The following TACO1 variants were observed in gnomAD, a reference collection of about 807,000 sequenced individuals.
TACO1 encodes translational activator of cytochrome c oxidase 1.
A neutral mutation model predicts 24.0 loss-of-function variants in TACO1; 13 were observed. The observed-to-expected ratio is 0.54, with a 90% CI of 0.35 to 0.86. The LOEUF is 0.86. Among genes scored for constraint, TACO1 ranks in the 40% least tolerant of loss-of-function variants. The pLI, the probability that TACO1 is intolerant of heterozygous loss-of-function variation, is 0.01. For synonymous variants in TACO1, 149 were observed against 153.5 expected, an observed-to-expected ratio of 0.97 and a Z score of 0.22; for missense variants, 352 against 380.1, an observed-to-expected ratio of 0.93 and a Z score of 0.61.
At position 63,600,946 on chromosome 17, in the gene TACO1, C is replaced by T. The variant is rs2033814865; in HGVS notation, c.-138C>T. 2.0e-6 allele frequency: 2 copies of T among 1,021,782 alleles called. No individual in the cohort carries two copies. Among genetic ancestry groups the T allele is most frequent in the Non-Finnish European group, 2.9e-6 (2 of 700,060 alleles). The allele number at this position is 1,021,782 out of a possible 1,614,324, so 63.3% of individuals were successfully genotyped here. On this transcript the variant is annotated 5_prime_UTR_variant, in exon 1 of 5. Coordinates refer to ENST00000258975, the MANE Select transcript of TACO1 (RefSeq NM_016360.4). The stretch of plus-strand genomic sequence containing the variant: ...AGGGTCATTAGCTGTTGAGCCGCCC[C>T]GGGCGGGCCCAAGCCTTTGGATCTC...
At chr17:63,605,189 T>C (rs1171327776) in intron 2 of TACO1, among the ~76,000 whole-genome samples, 4 of 151,760 alleles carry the variant, frequency 2.6e-5, no homozygotes. Flanking sequence ...CTCAGCCAAG[T>C]TGTAGGGAGA....
At chr17:63,601,576 C>T (rs1431309483) in intron 1 of TACO1, among the ~76,000 whole-genome samples, 1 of 152,158 alleles carries the variant, frequency 6.6e-6, no homozygotes, top group African/African-American at 2.4e-5. Flanking sequence ...AGCATCTGGC[C>T]AGTTTGTCAG....
intron 1 of TACO1, among the ~76,000 whole-genome samples, chr17:63,602,009 A>G (rs1255431324): frequency 6.6e-6 from 1 of 150,906 alleles, no homozygotes; most frequent in Non-Finnish European, 1.5e-5. Context: ...ATCCCAGGCC[A>G]GAGGCAGGCA....
chr17:63,601,194 C>T lies in TACO1; in HGVS notation c.111C>T (p.Pro37=), dbSNP rs1466082305. The T allele has an allele frequency of 1.9e-6, 3 of 1,561,328 alleles. No homozygotes were observed. The highest frequency in any genetic ancestry group is 1.7e-6 in the Non-Finnish European group (2 of 1,153,572). The change falls in exon 1 of 5, where the codon CCC becomes CCT. Residue 37 remains proline, a synonymous_variant. Transcript: ENST00000258975. ...APPRDPRPSH[P]EPRGCGAAPG... is the part of the protein sequence containing the mutation. The stretch of plus-strand genomic sequence containing the variant: ...CGCGCGACCCCCGGCCCTCCCACCC[C>T]GAGCCCCGGGGCTGCGGTGCCGCTC...
At chr17:63,607,761 A>G (rs2033874050) in intron 4 of TACO1, 41 bp from the exon 5 acceptor site, 2 of 1,585,188 alleles carry the variant, frequency 1.3e-6, no homozygotes, top group East Asian at 2.2e-5. Context: ...TTGTCTCATT[A>G]CCTCCTGGCT....
At chr17:63,604,478 A>G in intron 1 of TACO1, 56 bp from the exon 2 acceptor site, 1 of 1,452,158 alleles carries the variant, frequency 6.9e-7, no homozygotes, top group Non-Finnish European at 9.7e-7. Context: ...TTATTCTCCC[A>G]TGTTGTAATG....
Position 63,607,806 on chromosome 17 carries a change from T to C in TACO1, c.698T>C (p.Ile233Thr). The C allele has an allele frequency of 6.2e-7, 1 of 1,614,028 alleles. No individual in the cohort carries two copies. Among genetic ancestry groups the C allele is most frequent in the African/African-American group, 1.3e-5 (1 of 75,042 alleles). Residue 233 changes from isoleucine to threonine, a missense_variant, in exon 5 of 5, where the codon ATT (isoleucine) becomes ACT (threonine). Transcript: ENST00000258975. Reference protein sequence around the residue: ...DEEERNVFKFICDASSLHQVR... With the variant: ...DEEERNVFKFTCDASSLHQVR... ...CTGACTTTCCTTTATCCCTAGTTTA[T>C]TTGTGATGCCTCTTCACTGCACCAA...
At position 63,606,363 on chromosome 17, in the gene TACO1, T is replaced by G; in HGVS notation, c.438T>G (p.Ser146=). 1 of 1,614,128 alleles carries G rather than the reference T, an allele frequency of 6.2e-7. No homozygotes were observed. The highest frequency in any genetic ancestry group is 1.3e-5 in the African/African-American group (1 of 75,056). The change falls in exon 3 of 5, where the codon TCT becomes TCG. Residue 146 remains serine, a synonymous_variant. Transcript: ENST00000258975. The stretch of plus-strand genomic sequence containing the variant: ...ATGAGGGTCGAGGCCCTGGTGGCTC[T>G]TCTCTGCTCATCGAGGCATTATCTA... ...LLYEGRGPGG[S]SLLIEALSNS...
chr17:63,607,677 T>G, intron 4 of TACO1, 125 bp from the exon 5 acceptor site: 1 of 1,033,980 alleles, frequency 9.7e-7, no homozygotes, highest in Non-Finnish European at 1.5e-6. Flanking sequence ...ACGATGTCCC[T>G]GCCAGTGAAG....
chr17:63,607,562 T>G, intron 4 of TACO1, 98 bp downstream of exon 4: 1 of 1,285,602 alleles, frequency 7.8e-7, no homozygotes, highest in Non-Finnish European at 1.1e-6. Context: ...TGCCCCAGGG[T>G]ATAGGTGAGA....
intron 2 of TACO1, among the ~76,000 whole-genome samples, chr17:63,605,320 G>A (rs908915751): frequency 3.3e-5 from 5 of 152,150 alleles, no homozygotes; most frequent in African/African-American, 1.2e-4. Context: ...GGAGAGGATG[G>A]GGGTGATAGA....
chr17:63,602,736 G>T (rs2033831532), intron 1 of TACO1, among the ~76,000 whole-genome samples: 1 of 151,854 alleles, frequency 6.6e-6, no homozygotes, highest in South Asian at 2.1e-4. Flanking sequence ...CACCATGTTG[G>T]CCAGGCTGGT....
At chr17:63,604,866 T>C (rs1436080017) in intron 2 of TACO1, among the ~76,000 whole-genome samples, 1 of 151,928 alleles carries the variant, frequency 6.6e-6, no homozygotes, top group African/African-American at 2.4e-5. Flanking sequence ...AATACAAAAA[T>C]TAGCTGGGCG....
At chr17:63,604,845 T>C (rs2033850816) in intron 2 of TACO1, among the ~76,000 whole-genome samples, 1 of 151,930 alleles carries the variant, frequency 6.6e-6, no homozygotes, top group Non-Finnish European at 1.5e-5. Flanking sequence ...TGAAACTCCA[T>C]CTCTACTAAA....
In TACO1 at chr17:63,600,989, G is replaced by A; in HGVS notation, c.-95G>A. 2 of 1,439,290 alleles carry A rather than the reference G, an allele frequency of 1.4e-6. No individual in the cohort carries two copies. Among genetic ancestry groups the A allele is most frequent in the East Asian group, 2.5e-5 (1 of 40,126 alleles). The allele number at this position is 1,439,290 out of a possible 1,614,324, so 89.2% of individuals were successfully genotyped here. A position where few individuals can be genotyped will look rare whatever the true frequency, so the allele number is the denominator to read the frequency against. On this transcript the variant is annotated 5_prime_UTR_variant, in exon 1 of 5. Transcript: ENST00000258975. ...TGGATCTCAGGTGACCGGCACAGGC[G>A]GCCGCGGGGTCCGGAACTGCTTGTT...
chr17:63,604,385 A>G lies in TACO1; in HGVS notation c.281-149A>G, dbSNP rs140364808. 6.9e-6 allele frequency: 5 copies of G among 720,242 alleles called. No homozygotes were observed. The African/African-American group carries it at 7.0e-5, about 10-fold the overall frequency. 44.6% of individuals were successfully genotyped at this position (720,242 alleles called of 1,614,324 possible). Reference sequence around the variant, plus strand: ...AAATACTTCTCCGTATCCCACTGAAACACTAGTTAAGGTATTCTAAGGTAA... The same window carrying G: ...AAATACTTCTCCGTATCCCACTGAAGCACTAGTTAAGGTATTCTAAGGTAA... On this transcript the variant is annotated intron_variant, in intron 1 of 4. Coordinates refer to ENST00000258975, the MANE Select transcript of TACO1 (RefSeq NM_016360.4).
intron 2 of TACO1, 134 bp downstream of exon 2, chr17:63,604,774 G>A (rs1376256029): frequency 2.4e-6 from 2 of 841,048 alleles, no homozygotes; most frequent in Non-Finnish European, 3.9e-6. Flanking sequence ...AGCACTTTGG[G>A]AGGCTAAGGT....
At chr17:63,601,516 C>T (rs1049221879) in intron 1 of TACO1, among the ~76,000 whole-genome samples, 153 bp downstream of exon 1, 2 of 152,214 alleles carry the variant, frequency 1.3e-5, no homozygotes, top group African/African-American at 4.8e-5. Flanking sequence ...CATAAATCCT[C>T]AAAACACCTA....
Position 63,607,823 on chromosome 17 carries a change from C to T in TACO1, c.715C>T (p.Leu239=), listed in dbSNP as rs2033874538. The T allele has an allele frequency of 1.2e-6, 2 of 1,614,118 alleles. 1 individual carries two copies. Residue 239 remains leucine, a synonymous_variant, in exon 5 of 5, where the codon CTG becomes TTG. Coordinates refer to ENST00000258975, the MANE Select transcript of TACO1 (RefSeq NM_016360.4). ...VFKFICDASS[L]HQVRKKLDSL... ...CTAGTTTATTTGTGATGCCTCTTCA[C>T]TGCACCAAGTGAGGAAGAAGCTGGA...
Sources: allele counts gnomAD v4.1 joint callset (sites outside exome capture counted in the v4.1 genomes callset), GRCh38; gene constraint gnomAD v4.1.1; transcripts MANE v1.5; gene names NCBI Gene and HGNC (gene_info 2026-07-23, HGNC 2026-07-21).